The following ANO3 variants were observed in gnomAD, a reference collection of about 807,000 sequenced individuals.
ANO3 encodes the protein anoctamin 3, also known as anoctamin-3.
A neutral mutation model predicts 144.8 loss-of-function variants in ANO3; 99 were observed. The observed-to-expected ratio is 0.68, with a 90% CI of 0.58 to 0.81. ANO3 has a LOEUF of 0.81. Ranked by LOEUF, ANO3 falls within the 30% of genes least tolerant of loss-of-function variation. The probability of loss-of-function intolerance (pLI) is 0.00; values close to 1 mark genes in which losing one functional copy is unlikely to be tolerated. For missense variants in ANO3, 905 were observed against 1,202.2 expected (o/e 0.75, Z 3.66); for synonymous variants, 414 against 392.6 (o/e 1.05, Z -0.64).
chr11:26,253,132 G>A (rs962689728), intron 1 of ANO3, among the ~76,000 whole-genome samples: 2 of 152,156 alleles, frequency 1.3e-5, no homozygotes, highest in African/African-American at 4.8e-5. Context: ...TTAGGTGGAA[G>A]CCATGGCTAT....
At chr11:26,278,695 A>G (rs1424054068) in intron 1 of ANO3, among the ~76,000 whole-genome samples, 1 of 152,146 alleles carries the variant, frequency 6.6e-6, no homozygotes, top group East Asian at 1.9e-4. Context: ...TACAAACAGT[A>G]CTAGATTTCC....
chr11:26,255,527 A>C (rs1853037422), intron 1 of ANO3, among the ~76,000 whole-genome samples: 1 of 152,080 alleles, frequency 6.6e-6, no homozygotes, highest in Non-Finnish European at 1.5e-5. Flanking sequence ...AGATAGTACT[A>C]CCTTTAATTT....
In ANO3 at chr11:26,190,605, T is replaced by C. The variant is rs547865092; in HGVS notation, c.154+1275T>C. Reference sequence around the variant, plus strand: ...TGTCTTTTTCACCATTTTTTTTGTCTTCTAGTCATTTCTGTCAGAGTTAGC... The same window carrying C: ...TGTCTTTTTCACCATTTTTTTTGTCCTCTAGTCATTTCTGTCAGAGTTAGC... On this transcript the variant is annotated intron_variant, in intron 1 of 27. Coordinates refer to the ANO3 transcript ENST00000672621. Among the ~76,000 whole-genome samples, 3 of 152,364 alleles carry C rather than the reference T, an allele frequency of 2.0e-5. No homozygotes were observed. In the East Asian group the frequency reaches 5.8e-4, roughly 29 times the overall value.
At chr11:26,538,201 T>C (rs1402306714) in intron 10 of ANO3, among the ~76,000 whole-genome samples, 1 of 152,216 alleles carries the variant, frequency 6.6e-6, no homozygotes. Flanking sequence ...ATGGATTGTC[T>C]CATTTAATCC....
chr11:26,438,596 A>C (rs1416417450), intron 1 of ANO3, among the ~76,000 whole-genome samples: 1 of 132,114 alleles, frequency 7.6e-6, no homozygotes, highest in Non-Finnish European at 1.7e-5. Flanking sequence ...AAAATACAAA[A>C]AAAAAAAAAA....
intron 7 of ANO3, among the ~76,000 whole-genome samples, chr11:26,530,501 C>CTATCT (rs11408153): frequency 2.8e-4 from 5 of 17,864 alleles, no homozygotes; most frequent in East Asian, 3.8e-3. Flanking sequence ...ATCTATCTAT[C>CTATCT]ATCTATCTAT....
rs1249160322 is a variant in ANO3 at position 26,553,233 on chromosome 11, T to G, written c.1290-16T>G. ...TGCTATGTTTTGTTTTGTTTTTGTT[T>G]TTGTTTTTTCTCAAGCCAAGAAATT... On this transcript the variant is annotated splice_polypyrimidine_tract_variant and intron_variant, in intron 12 of 26. Transcript: ENST00000256737. 2.9e-6 allele frequency: 4 copies of G among 1,361,018 alleles called. No individual in the cohort carries two copies. The highest frequency in any genetic ancestry group is 4.0e-6 in the Non-Finnish European group (4 of 1,000,878). 84.3% of individuals were successfully genotyped at this position (1,361,018 alleles called of 1,614,324 possible).
chr11:26,306,125 ATTTTTTT>A (rs57674074), upstream of ANO3, among the ~76,000 whole-genome samples: 14 of 113,002 alleles, frequency 1.2e-4, no homozygotes, highest in African/African-American at 4.4e-4. Flanking sequence ...AGCCCGGATA[ATTTTTTT>A]TTTTTTTTTT....
At chr11:26,470,235 C>T (rs1859732008) in intron 4 of ANO3, among the ~76,000 whole-genome samples, 1 of 151,638 alleles carries the variant, frequency 6.6e-6, no homozygotes, top group Admixed American at 6.6e-5. Context: ...CACAGTGAAA[C>T]CCTGTTTCTA....
chr11:26,299,605 A>G (rs1272158801), intron 1 of ANO3, among the ~76,000 whole-genome samples: 1 of 152,048 alleles, frequency 6.6e-6, no homozygotes, highest in Non-Finnish European at 1.5e-5. Flanking sequence ...ATAAATGTCA[A>G]CTAGAGTGGG....
chr11:26,618,139 A>T (rs1852313005), intron 17 of ANO3, among the ~76,000 whole-genome samples: 1 of 152,212 alleles, frequency 6.6e-6, no homozygotes, highest in Non-Finnish European at 1.5e-5. Flanking sequence ...TATTCTATTG[A>T]TCAAAATTGC....
rs1858541630 is a variant in ANO3, at chr11:26,442,089, T to A, written c.218T>A (p.Ile73Asn). Residue 73 changes from isoleucine to asparagine, a missense_variant, in exon 2 of 27, where the codon ATC becomes AAC. Transcript: ENST00000256737. ...ESQAPTSITLISTDKAEQVNT... is the reference protein window; with the variant it reads ...ESQAPTSITLNSTDKAEQVNT... ...CAGGCTCCCACATCTATAACCTTAA[T>A]CTCCACTGACAAAGCAGAGCAAGGT... The A allele has an allele frequency of 6.2e-7, 1 of 1,613,624 alleles. No homozygotes were observed. Among genetic ancestry groups the A allele is most frequent in the Non-Finnish European group, 8.5e-7 (1 of 1,179,916 alleles).
chr11:26,498,893 TA>T, intron 4 of ANO3, among the ~76,000 whole-genome samples: 1 of 152,086 alleles, frequency 6.6e-6, no homozygotes, highest in South Asian at 2.1e-4. Flanking sequence ...TGAAAAAATG[TA>T]ACAGACATTG....
intron 11 of ANO3, among the ~76,000 whole-genome samples, chr11:26,546,201 T>C (rs1849783808): frequency 6.6e-6 from 1 of 151,820 alleles, no homozygotes; most frequent in Admixed American, 6.6e-5. Flanking sequence ...ATTAATATAA[T>C]AAGTTTCCAT....
intron 1 of ANO3, among the ~76,000 whole-genome samples, chr11:26,386,882 C>T (rs759869816): frequency 2.6e-4 from 39 of 151,936 alleles, no homozygotes; most frequent in East Asian, 9.7e-4. Context: ...TTGTATGTAA[C>T]GTGTTGATTT....
intron 18 of ANO3, among the ~76,000 whole-genome samples, chr11:26,627,259 A>G (rs1040816529): frequency 7.2e-5 from 11 of 151,742 alleles, no homozygotes; most frequent in East Asian, 3.9e-4. Flanking sequence ...CTGTATAACT[A>G]TCATTAAGCT....
At chr11:26,646,993 G>A (rs1030555945) in intron 23 of ANO3, among the ~76,000 whole-genome samples, 25 of 152,108 alleles carry the variant, frequency 1.6e-4, no homozygotes, top group Non-Finnish European at 3.1e-4. Context: ...AAGTGTGGGA[G>A]GAAAGAAAGT....
intron 14 of ANO3, among the ~76,000 whole-genome samples, chr11:26,588,087 C>T (rs1356142066): frequency 6.6e-6 from 1 of 151,566 alleles, no homozygotes; most frequent in East Asian, 1.9e-4. Context: ...GAGTGAAATC[C>T]ACAGATTCTA....
At chr11:26,336,367 C>G (rs1245648816) in intron 1 of ANO3, among the ~76,000 whole-genome samples, 1 of 152,318 alleles carries the variant, frequency 6.6e-6, no homozygotes, top group Admixed American at 6.5e-5. Flanking sequence ...TTAAGTGATT[C>G]ATCATTATCC....
Sources: gnomAD v4.1 joint callset for allele counts (sites outside exome capture counted in the v4.1 genomes callset) on GRCh38, gnomAD v4.1.1 for gene constraint, MANE v1.5 for transcripts, NCBI Gene and HGNC (gene_info 2026-07-23, HGNC 2026-07-21) for gene names.